SNX13: variants seen among roughly 807,000 people sequenced by gnomAD.
The protein encoded by SNX13 is sorting nexin 13, also known as sorting nexin-13.
SNX13 carries 45 observed loss-of-function variants against 133.6 expected under a neutral mutation model. That is an observed-to-expected ratio of 0.34 (90% CI 0.27 to 0.43). The LOEUF (loss-of-function observed/expected upper bound fraction) is 0.43. SNX13 is among the 20% of genes least tolerant of loss of function. The pLI is 1.00. For missense variants in SNX13, 1,032 were observed against 1,145.1 expected, an observed-to-expected ratio of 0.90 and a Z score of 1.43; for synonymous variants, 414 against 373.9, an observed-to-expected ratio of 1.11 and a Z score of -1.24.
chr7:17,889,116 C>T (rs920651986), intron 5 of SNX13: 1 of 161,458 alleles, frequency 6.2e-6, no homozygotes, highest in African/African-American at 2.4e-5. Flanking sequence ...GAATACCTAA[C>T]ACTCAATAAT....
chr7:17,903,950 T>C (rs1351605353), intron 1 of SNX13, among the ~76,000 whole-genome samples: 8 of 152,176 alleles, frequency 5.3e-5, no homozygotes, highest in African/African-American at 1.9e-4. Context: ...GTCTACTTAC[T>C]AGTATGCTTA....
At chr7:17,933,370 C>A (rs1282833483) in intron 1 of SNX13, among the ~76,000 whole-genome samples, 1 of 152,050 alleles carries the variant, frequency 6.6e-6, no homozygotes, top group Non-Finnish European at 1.5e-5. Context: ...GGTGAAACCC[C>A]GTCTCTACTA....
intron 1 of SNX13, among the ~76,000 whole-genome samples, chr7:17,936,136 G>A (rs903697268): frequency 3.9e-5 from 6 of 152,170 alleles, no homozygotes. Context: ...GCAATATGCT[G>A]TAAATTCTAT....
In SNX13 at chr7:17,922,424, G is replaced by A. The variant is rs576493839; in HGVS notation, c.12+17860C>T. On this transcript the variant is annotated intron_variant, in intron 1 of 25. Transcript: ENST00000428135. ...TCTCCTGAGGGCATAAACTGTGTAT[G>A]TTTTGTTCAGTGTTGTCTCATGCCA... Among the ~76,000 whole-genome samples the A allele has an allele frequency of 1.3e-3, 192 of 152,312 alleles. 1 individual carries two copies. The Middle Eastern group carries it at 0.014, about 11-fold the overall frequency.
chr7:17,895,708 T>A (rs936719897), intron 2 of SNX13, among the ~76,000 whole-genome samples: 1 of 152,162 alleles, frequency 6.6e-6, no homozygotes, highest in African/African-American at 2.4e-5. Flanking sequence ...TTCTCATGAC[T>A]TTAAAAATGA....
In SNX13 at chr7:17,940,373, G is replaced by A. The variant is rs1291156558; in HGVS notation, c.-78C>T. 6 of 1,520,398 alleles carry A rather than the reference G, an allele frequency of 3.9e-6. No homozygotes were observed. In the African/African-American group the frequency reaches 4.1e-5, roughly 10 times the overall value. The allele number at this position is 1,520,398 out of a possible 1,614,324, so 94.2% of individuals were successfully genotyped here. A position where few individuals can be genotyped will look rare whatever the true frequency, so the allele number is the denominator to read the frequency against. ...CCGTAGCAGCAGCGAAAACTGCTCGGGCCGCCGCCAACGGCGGCAACTGCT... is the reference window on the plus strand; with the variant it reads ...CCGTAGCAGCAGCGAAAACTGCTCGAGCCGCCGCCAACGGCGGCAACTGCT... On this transcript the variant is annotated 5_prime_UTR_variant, in exon 1 of 26. Transcript: ENST00000428135.
intron 12 of SNX13, among the ~76,000 whole-genome samples, chr7:17,843,272 C>G (rs1790116908): frequency 6.6e-6 from 1 of 151,904 alleles, no homozygotes; most frequent in Admixed American, 6.6e-5. Context: ...CAAAATAGAG[C>G]AGGGGAGGCT....
chr7:17,887,623 G>C (rs1016085421), intron 5 of SNX13, among the ~76,000 whole-genome samples: 31 of 152,246 alleles, frequency 2.0e-4, no homozygotes, highest in African/African-American at 6.3e-4. Context: ...TCCACTCAAG[G>C]CCAAGAGCTT....
chr7:17,850,286 T>C, intron 11 of SNX13, 61 bp downstream of exon 11: 2 of 1,137,254 alleles, frequency 1.8e-6, no homozygotes, highest in Admixed American at 3.1e-5. Flanking sequence ...TTACTGTGCA[T>C]TTTTAATCCC....
Position 17,897,339 on chromosome 7 carries a change from CA to C in SNX13, c.119del (p.Val40GlyfsTer5). 6.5e-7 allele frequency: 1 copy of C among 1,533,598 alleles called. No homozygotes were observed. The highest frequency in any genetic ancestry group is 8.8e-7 in the Non-Finnish European group (1 of 1,134,270). 95.0% of individuals were successfully genotyped at this position (1,533,598 alleles called of 1,614,324 possible). On this transcript the variant is annotated frameshift_variant, in exon 2 of 26. Transcript: ENST00000428135. LOFTEE classifies it high-confidence loss of function. ...FYLTFYILCF[V>X]GGGLVVTLLF... ...TTATAATTGAGTATACTTACCCACC[CA>C]CAAAGCAGAGGATATAAAATGTCAA...
At chr7:17,860,621 G>C (rs1432029205) in intron 9 of SNX13, among the ~76,000 whole-genome samples, 1 of 152,112 alleles carries the variant, frequency 6.6e-6, no homozygotes, top group Non-Finnish European at 1.5e-5. Context: ...AATCCATTTT[G>C]AGTTAATTTT....
chr7:17,830,276 G>C (rs953514483), intron 15 of SNX13: 2 of 983,828 alleles, frequency 2.0e-6, no homozygotes, highest in Non-Finnish European at 2.4e-6. Context: ...CCTGATAGCT[G>C]GCCAAAAATC....
chr7:17,872,242 T>C (rs954518968), intron 8 of SNX13, among the ~76,000 whole-genome samples: 2 of 152,046 alleles, frequency 1.3e-5, no homozygotes, highest in Non-Finnish European at 2.9e-5. Context: ...TTAAGGAGTA[T>C]AAACATGACT....
intron 12 of SNX13, among the ~76,000 whole-genome samples, 183 bp downstream of exon 12, chr7:17,845,412 A>G (rs376469572): frequency 6.6e-6 from 1 of 152,296 alleles, no homozygotes; most frequent in African/African-American, 2.4e-5. Context: ...TAATGAGTAG[A>G]GTTTCAGTTT....
At chr7:17,833,530 T>A (rs566223476) in intron 15 of SNX13, among the ~76,000 whole-genome samples, 1 of 151,764 alleles carries the variant, frequency 6.6e-6, no homozygotes, top group East Asian at 1.9e-4. Flanking sequence ...TAAATAGAAC[T>A]CATTATCCTC....
Position 17,799,106 on chromosome 7 carries a change from C to T in SNX13, c.2347G>A (p.Val783Ile). 6.2e-7 allele frequency: 1 copy of T among 1,610,458 alleles called. No individual in the cohort carries two copies. The highest frequency in any genetic ancestry group is 1.1e-5 in the South Asian group (1 of 90,890). Residue 783 changes from valine to isoleucine, a missense_variant, in exon 23 of 26, where the codon GTA (valine) becomes ATA (isoleucine). Val to Ile is a conservative substitution (Grantham distance 29). Coordinates refer to ENST00000428135, the MANE Select transcript of SNX13 (RefSeq NM_015132.5). Reference sequence around the variant, plus strand: ...TGATTTCTTTCTTTTAAGTCGAATACTTCATCCATGAGAAGCAGCATTACC... The same window carrying T: ...TGATTTCTTTCTTTTAAGTCGAATATTTCATCCATGAGAAGCAGCATTACC... The part of the protein sequence containing the change: ...LRVMLLLMDE[V>I]FDLKERNQWL...
In SNX13 at chr7:17,940,313, G is replaced by A; in HGVS notation, c.-18C>T. On this transcript the variant is annotated 5_prime_UTR_variant, in exon 1 of 26. Coordinates refer to ENST00000428135, the MANE Select transcript of SNX13 (RefSeq NM_015132.5). ...GTTAACATTATTACACCCCGGGGAA[G>A]TGAGGTCCTCCCTAGCCTCGCCTCA... 1 of 1,565,374 alleles carries A rather than the reference G, an allele frequency of 6.4e-7. No individual in the cohort carries two copies. Among genetic ancestry groups the A allele is most frequent in the Non-Finnish European group, 8.7e-7 (1 of 1,154,994 alleles).
At chr7:17,881,429 T>C (rs1159353148) in intron 5 of SNX13, 1 of 152,124 alleles carries the variant, frequency 6.6e-6, no homozygotes, top group Admixed American at 6.5e-5. Flanking sequence ...AAAATTATAA[T>C]AATATGTATT....
At position 17,933,359 on chromosome 7, in the gene SNX13, T is replaced by C. The variant is rs1801629190; in HGVS notation, c.12+6925A>G. On this transcript the variant is annotated intron_variant, in intron 1 of 25. Transcript: ENST00000428135. ...GAGATGGAGACCATCGTGGCTAACC[T>C]GGTGAAACCCCGTCTCTACTAAAAA... Among the ~76,000 whole-genome samples the C allele has an allele frequency of 2.0e-5, 3 of 152,122 alleles. No homozygotes were observed. The South Asian group carries it at 6.2e-4, about 32-fold the overall frequency.
Sources: allele counts gnomAD v4.1 joint callset (sites outside exome capture counted in the v4.1 genomes callset), GRCh38; gene constraint gnomAD v4.1.1; transcripts MANE v1.5; gene names NCBI Gene and HGNC (gene_info 2026-07-23, HGNC 2026-07-21).